Variants in SNX30 observed in about 807,000 individuals in gnomAD.
SNX30 encodes sorting nexin-30.
SNX30 carries 24 observed loss-of-function variants against 46.4 expected under a neutral mutation model. The observed-to-expected ratio is 0.52, with a 90% CI of 0.37 to 0.73. The LOEUF (loss-of-function observed/expected upper bound fraction) is 0.73. SNX30 is among the 30% of genes least tolerant of loss of function. The pLI, the probability that SNX30 is intolerant of heterozygous loss-of-function variation, is 0.00. For synonymous variants in SNX30, 189 were observed against 211.5 expected, an observed-to-expected ratio of 0.89 and a Z score of 0.92; for missense variants, 533 against 555.7, an observed-to-expected ratio of 0.96 and a Z score of 0.41.
chr9:112,790,849 G>A (rs1031729566), intron 1 of SNX30, among the ~76,000 whole-genome samples: 20 of 152,174 alleles, frequency 1.3e-4, no homozygotes, highest in Non-Finnish European at 2.5e-4. Context: ...TTTGGGAGGA[G>A]CCTGACCTAT....
At chr9:112,812,558 G>T (rs567456806) in intron 2 of SNX30, among the ~76,000 whole-genome samples, 1 of 152,118 alleles carries the variant, frequency 6.6e-6, no homozygotes, top group Admixed American at 6.6e-5. Flanking sequence ...TGGACCTTGA[G>T]CATCCCTTTC....
At chr9:112,806,167 C>G (rs1564274875) in intron 2 of SNX30, among the ~76,000 whole-genome samples, 1 of 152,120 alleles carries the variant, frequency 6.6e-6, no homozygotes, top group East Asian at 1.9e-4. Flanking sequence ...CAGGAGTGTT[C>G]TCTTGGTCCC....
At chr9:112,843,922 A>G (rs2131468899) in intron 6 of SNX30, among the ~76,000 whole-genome samples, 1 of 152,272 alleles carries the variant, frequency 6.6e-6, no homozygotes, top group East Asian at 1.9e-4. Context: ...AAGAGTCTGG[A>G]CTTTATTCTA....
intron 8 of SNX30, chr9:112,866,378 TAGGAGACAACATACGCAA>T (rs1841344061): frequency 2.2e-6 from 1 of 464,088 alleles, no homozygotes; most frequent in Non-Finnish European, 4.5e-6. Context: ...ATTCCAGGTA[TAGGAGACAACATACGCAA>T]AGTCCCTGGG....
At position 112,807,268 on chromosome 9, in the gene SNX30, G is replaced by A. The variant is rs145734732; in HGVS notation, c.348+2301G>A. Among the ~76,000 whole-genome samples the A allele has an allele frequency of 2.4e-3, 359 of 152,064 alleles. 2 individuals are homozygous for A. Among genetic ancestry groups the A allele is most frequent in the African/African-American group, 8.3e-3 (346 of 41,498 alleles). On this transcript the variant is annotated intron_variant, in intron 2 of 8. Transcript: ENST00000374232. ...TTTAGTAGAGATGAGGTTTTACTAT[G>A]TTGGCCAGCCTGGTCTTGAACTCCT...
At chr9:112,864,176 G>C in intron 7 of SNX30, 71 bp from the exon 8 acceptor site, 1 of 1,504,836 alleles carries the variant, frequency 6.6e-7, no homozygotes, top group East Asian at 2.3e-5. Flanking sequence ...ACAAATGTGT[G>C]CTCAGAGGAG....
In SNX30 at chr9:112,763,969, A is replaced by G. The variant is rs547146584; in HGVS notation, c.156+12812A>G. Among the ~76,000 whole-genome samples the G allele has an allele frequency of 1.2e-3, 179 of 152,200 alleles. 1 individual carries two copies. The highest frequency in any genetic ancestry group is 4.0e-3 in the African/African-American group (168 of 41,524). On this transcript the variant is annotated intron_variant, in intron 1 of 8. Coordinates refer to ENST00000374232, the MANE Select transcript of SNX30 (RefSeq NM_001012994.2). ...GGTACCCATCACCCAAATAATGTATATTGTACTCAATAATTTCACATCACC... is the reference window on the plus strand; with the variant it reads ...GGTACCCATCACCCAAATAATGTATGTTGTACTCAATAATTTCACATCACC...
At chr9:112,754,981 C>G (rs570536457) in intron 1 of SNX30, among the ~76,000 whole-genome samples, 1 of 152,310 alleles carries the variant, frequency 6.6e-6, no homozygotes, top group Non-Finnish European at 1.5e-5. Flanking sequence ...GGCTTTTCCT[C>G]CATCACCTTT....
intron 2 of SNX30, among the ~76,000 whole-genome samples, chr9:112,807,787 C>T (rs749633424): frequency 5.9e-5 from 9 of 152,206 alleles, no homozygotes; most frequent in Non-Finnish European, 1.3e-4. Flanking sequence ...AACTGCAACT[C>T]ACCAGTCTTT....
intron 1 of SNX30, among the ~76,000 whole-genome samples, chr9:112,779,105 C>T (rs895327837): frequency 6.6e-6 from 1 of 152,246 alleles, no homozygotes; most frequent in Non-Finnish European, 1.5e-5. Flanking sequence ...TTGGGTGCTG[C>T]TGGCACGTGT....
At chr9:112,833,819 G>A (rs1003509178) in intron 4 of SNX30, among the ~76,000 whole-genome samples, 16 of 152,164 alleles carry the variant, frequency 1.1e-4, no homozygotes, top group African/African-American at 3.6e-4. Context: ...GTGCCTTTGA[G>A]GATGTTTCTT....
At chr9:112,865,291 G>C (rs1841306938) in intron 8 of SNX30, among the ~76,000 whole-genome samples, 2 of 151,748 alleles carry the variant, frequency 1.3e-5, no homozygotes, top group African/African-American at 4.8e-5. Context: ...CTACAGCCCA[G>C]TCCCCTCAAT....
rs773908177 is a variant in SNX30 at position 112,804,832 on chromosome 9, A to C, written c.213A>C (p.Ser71=). The change falls in exon 2 of 9, where the codon TCA becomes TCC. Residue 71 remains serine, a synonymous_variant. Transcript: ENST00000374232. ...TPAGTSSPAS[S]SSLLNRLQLD... ...CAGGTACTTCAAGTCCAGCTTCTTC[A>C]TCTTCCCTTCTCAACAGACTTCAGC... The C allele has an allele frequency of 1.9e-6, 3 of 1,613,866 alleles. No individual in the cohort carries two copies. Among genetic ancestry groups the C allele is most frequent in the Non-Finnish European group, 2.5e-6 (3 of 1,179,862 alleles).
rs1233970259 is a variant in SNX30 at position 112,751,082 on chromosome 9, C to T, written c.81C>T (p.Ser27=). The T allele has an allele frequency of 1.3e-6, 2 of 1,510,908 alleles. No homozygotes were observed. Among genetic ancestry groups the T allele is most frequent in the African/African-American group, 1.4e-5 (1 of 70,492 alleles). The allele number at this position is 1,510,908 out of a possible 1,614,324, so 93.6% of individuals were successfully genotyped here. ...ACATGCCGCACCCGCTGGCCGGCTCCAGCAGCGAGGAGGCCGTGGGTGGTG... is the reference window on the plus strand; with the variant it reads ...ACATGCCGCACCCGCTGGCCGGCTCTAGCAGCGAGGAGGCCGTGGGTGGTG... ...LRDMPHPLAG[S]SSEEAVGGDS... The change falls in exon 1 of 9, where the codon TCC becomes TCT. Residue 27 remains serine, a synonymous_variant. Transcript: ENST00000374232.
At position 112,854,794 on chromosome 9, in the gene SNX30, C is replaced by T. The variant is rs189088280; in HGVS notation, c.1101+3849C>T. The stretch of plus-strand genomic sequence containing the variant: ...AGAATGGGATGGTCCTGGGTTCAAA[C>T]CCCAGCTGCGCCCTAGCTTGCACTG... On this transcript the variant is annotated intron_variant, in intron 7 of 8. Transcript: ENST00000374232. 2.1e-3 allele frequency among the ~76,000 whole-genome samples: 313 copies of T among 152,302 alleles called. 1 individual carries two copies. The highest frequency in any genetic ancestry group is 7.1e-3 in the African/African-American group (296 of 41,572).
At chr9:112,879,670 G>T (rs1007867831), downstream of SNX30, 1 of 1,201,036 alleles carries the variant, frequency 8.3e-7, no homozygotes, top group Non-Finnish European at 1.2e-6. Flanking sequence ...TTAAGCAGTG[G>T]GTTGCTTAGG....
chr9:112,773,279 T>G (rs1839682096), intron 1 of SNX30, among the ~76,000 whole-genome samples: 1 of 152,230 alleles, frequency 6.6e-6, no homozygotes, highest in African/African-American at 2.4e-5. Context: ...CTCATAAGGT[T>G]GTTTTGATAG....
At chr9:112,842,841 G>A (rs765717686) in intron 6 of SNX30, among the ~76,000 whole-genome samples, 4 of 152,224 alleles carry the variant, frequency 2.6e-5, no homozygotes, top group Non-Finnish European at 5.9e-5. Flanking sequence ...TTTAAGCAGT[G>A]AACAATGAGA....
intron 1 of SNX30, among the ~76,000 whole-genome samples, chr9:112,782,076 GT>G (rs1301551456): frequency 1.3e-5 from 2 of 151,612 alleles, no homozygotes; most frequent in Non-Finnish European, 2.9e-5. Flanking sequence ...ATTTTTTATT[GT>G]TTTTTTGAGA....
Sources: allele counts gnomAD v4.1 joint callset (sites outside exome capture counted in the v4.1 genomes callset), GRCh38; gene constraint gnomAD v4.1.1; transcripts MANE v1.5; gene names NCBI Gene and HGNC (gene_info 2026-07-23, HGNC 2026-07-21).